The following TYW1B variants were observed in gnomAD, a reference collection of about 807,000 sequenced individuals.
TYW1B encodes the protein S-adenosyl-L-methionine-dependent tRNA 4-demethylwyosine synthase TYW1B.
A neutral mutation model predicts 86.9 loss-of-function variants in TYW1B; 73 were observed. The observed-to-expected ratio is 0.84, with a 90% CI of 0.70 to 1.02. The LOEUF (loss-of-function observed/expected upper bound fraction) is 1.02, where lower values mean the gene tolerates loss of function less well. TYW1B is among the 50% of genes least tolerant of loss of function. The probability of loss-of-function intolerance (pLI) is 0.00; values close to 1 mark genes in which losing one functional copy is unlikely to be tolerated. For synonymous variants in TYW1B, 248 were observed against 292.8 expected (o/e 0.85, Z 1.56); for missense variants, 637 against 827.4 (o/e 0.77, Z 2.82).
At chr7:72,788,597 A>T (rs190057038) in intron 6 of TYW1B, among the ~76,000 whole-genome samples, 2 of 151,884 alleles carry the variant, frequency 1.3e-5, no homozygotes, top group Admixed American at 6.6e-5. Context: ...CAGTGGCACA[A>T]TCTTGGCTCA....
At chr7:72,638,305 T>C (rs1812720880) in intron 11 of TYW1B, among the ~76,000 whole-genome samples, 1 of 152,174 alleles carries the variant, frequency 6.6e-6, no homozygotes, top group African/African-American at 2.4e-5. Context: ...GCCATTTGTA[T>C]GTAAGCAAAC....
chr7:72,625,058 C>CAA (rs57613692), intron 12 of TYW1B, among the ~76,000 whole-genome samples: 2 of 126,490 alleles, frequency 1.6e-5, no homozygotes, highest in Non-Finnish European at 1.8e-5. Context: ...GAACCTGTCT[C>CAA]AAAAAAAAAA....
chr7:72,811,172 A>G (rs28706268), intron 3 of TYW1B, among the ~76,000 whole-genome samples: 115,958 of 150,054 alleles, frequency 0.77, 45,226 homozygotes, highest in Middle Eastern at 0.8. Flanking sequence ...TCAGGAGGCT[A>G]AGCCAAGAGA....
Position 72,794,493 on chromosome 7 carries a change from T to C in TYW1B, c.846+7907A>G, listed in dbSNP as rs1788273421. 2.6e-5 allele frequency among the ~76,000 whole-genome samples: 4 copies of C among 151,540 alleles called. No individual in the cohort carries two copies. In the South Asian group the frequency reaches 8.3e-4, roughly 32 times the overall value. ...ATCGCTTGAACCTGGGAGGCAGAGG[T>C]TGCAGTGAGCTGAGATTGTGCCACT... On this transcript the variant is annotated intron_variant, in intron 6 of 13. Coordinates refer to ENST00000620995, the MANE Select transcript of TYW1B (RefSeq NM_001145440.3).
At chr7:72,596,240 A>AT (rs1811530939) in intron 13 of TYW1B, among the ~76,000 whole-genome samples, 1 of 151,834 alleles carries the variant, frequency 6.6e-6, no homozygotes. Context: ...TACATATTCA[A>AT]TACAGTATCT....
intron 13 of TYW1B, among the ~76,000 whole-genome samples, chr7:72,615,281 T>A (rs1812042274): frequency 6.6e-6 from 1 of 152,254 alleles, no homozygotes; most frequent in Non-Finnish European, 1.5e-5. Context: ...GTTTTAAATG[T>A]TCCTTTGAAT....
At chr7:72,673,514 C>T (rs1389384463) in intron 11 of TYW1B, among the ~76,000 whole-genome samples, 8 of 152,140 alleles carry the variant, frequency 5.3e-5, no homozygotes, top group Non-Finnish European at 1.0e-4. Flanking sequence ...GCAAACATCA[C>T]GTGTTCTCAC....
intron 11 of TYW1B, among the ~76,000 whole-genome samples, chr7:72,642,929 C>T (rs1563042884): frequency 6.6e-6 from 1 of 152,102 alleles, no homozygotes; most frequent in East Asian, 1.9e-4. Flanking sequence ...CTGATTCATG[C>T]TATAACACGC....
At chr7:72,731,393 C>CAAAAAAAAAAAAAAAA (rs59262388) in intron 8 of TYW1B, among the ~76,000 whole-genome samples, 5 of 33,046 alleles carry the variant, frequency 1.5e-4, no homozygotes, top group Non-Finnish European at 1.6e-4. Context: ...TACCAAACTG[C>CAAAAAAAAAAAAAAAA]AAAAAAAAAA....
chr7:72,804,832 C>A (rs1563099877), intron 5 of TYW1B, among the ~76,000 whole-genome samples: 2 of 151,726 alleles, frequency 1.3e-5, no homozygotes. Context: ...TAGCCCGTCT[C>A]AAAAAAAACA....
At chr7:72,667,367 A>C (rs781950798) in intron 11 of TYW1B, among the ~76,000 whole-genome samples, 10 of 152,176 alleles carry the variant, frequency 6.6e-5, no homozygotes, top group Middle Eastern at 3.2e-3. Context: ...TGTAAGTATC[A>C]ATTTAAAACG....
chr7:72,800,253 C>T (rs1270059516), intron 6 of TYW1B, among the ~76,000 whole-genome samples: 8 of 151,588 alleles, frequency 5.3e-5, no homozygotes, highest in East Asian at 1.9e-4. Flanking sequence ...GCCGGGGTGC[C>T]GTGACATGAT....
At chr7:72,728,984 T>C in intron 8 of TYW1B, 53 bp from the exon 9 acceptor site, 2 of 1,519,100 alleles carry the variant, frequency 1.3e-6, no homozygotes, top group Non-Finnish European at 9.0e-7. Flanking sequence ...AGATCTGGGC[T>C]AGTCATTTAT....
In TYW1B at chr7:72,595,499, C is replaced by T. The variant is rs571380334; in HGVS notation, c.1786-19780G>A. Among the ~76,000 whole-genome samples the T allele has an allele frequency of 1.2e-4, 19 of 152,188 alleles. No homozygotes were observed. In the South Asian group the frequency reaches 3.7e-3, roughly 30 times the overall value. On this transcript the variant is annotated intron_variant, in intron 13 of 13. Transcript: ENST00000620995. ...AGGAGTTTGAGGCAAGTCTGGTCAA[C>T]ATGGTAAAACCCTGTCTCTAAAAAA...
chr7:72,759,597 CTA>C (rs1219530725), intron 7 of TYW1B, among the ~76,000 whole-genome samples: 1 of 152,204 alleles, frequency 6.6e-6, no homozygotes, highest in African/African-American at 2.4e-5. Context: ...AGACCTGCAA[CTA>C]TGGAGTTAAC....
At chr7:72,799,864 T>C (rs1268958677) in intron 6 of TYW1B, among the ~76,000 whole-genome samples, 1 of 152,210 alleles carries the variant, frequency 6.6e-6, no homozygotes, top group Non-Finnish European at 1.5e-5. Flanking sequence ...GCCTTTTGAT[T>C]TTCCTTATGG....
In TYW1B at chr7:72,694,693, T is replaced by C. The variant is rs1554451081; in HGVS notation, c.1500A>G (p.Ala500=). Residue 500 remains alanine (A), a synonymous_variant, in exon 11 of 14, where the codon GCA becomes GCG. Coordinates refer to ENST00000620995, the MANE Select transcript of TYW1B (RefSeq NM_001145440.3). ...QQFLDSLKAL[A]VKQQRTVYRL... is the part of the protein sequence containing the mutation. ...AAGATGTCATAATTCTTACCTTGAC[T>C]GCCAAGGCTTTTAAACTGTCAAGGA... is the stretch of plus-strand genomic sequence containing the variant. 1.2e-6 allele frequency: 2 copies of C among 1,606,808 alleles called. No homozygotes were observed. Among genetic ancestry groups the C allele is most frequent in the South Asian group, 1.1e-5 (1 of 88,912 alleles).
At chr7:72,644,287 C>G (rs1438177991) in intron 11 of TYW1B, among the ~76,000 whole-genome samples, 6 of 152,186 alleles carry the variant, frequency 3.9e-5, no homozygotes, top group Non-Finnish European at 7.3e-5. Flanking sequence ...CTGGGGCTCA[C>G]ACCTATAATC....
intron 11 of TYW1B, among the ~76,000 whole-genome samples, chr7:72,641,363 A>G (rs1554441453): frequency 6.6e-6 from 1 of 152,154 alleles, no homozygotes; most frequent in African/African-American, 2.4e-5. Flanking sequence ...AAGAGGAAAC[A>G]CTTCACACCT....
Sources: gnomAD v4.1 joint callset for allele counts (sites outside exome capture counted in the v4.1 genomes callset) on GRCh38, gnomAD v4.1.1 for gene constraint, MANE v1.5 for transcripts, NCBI Gene and HGNC (gene_info 2026-07-23, HGNC 2026-07-21) for gene names.